FMR1NB: variants seen among roughly 807,000 people sequenced by gnomAD.
FMR1NB encodes FMR1 neighbor.
Under a neutral mutation model 16.8 loss-of-function variants are expected in FMR1NB, and 10 were observed. The ratio of observed to expected loss-of-function variants is 0.60; its 90% confidence interval spans 0.37 to 1.01. The LOEUF is 1.01. Ranked by LOEUF, FMR1NB falls within the 50% of genes least tolerant of loss-of-function variation. The pLI is 0.01. For synonymous variants in FMR1NB, 83 were observed against 79.1 expected, an observed-to-expected ratio of 1.05 and a Z score of -0.26; for missense variants, 205 against 204.8, an observed-to-expected ratio of 1.00 and a Z score of 0.00.
At chrX:148,009,538 C>G (rs2044613499) in intron 4 of FMR1NB, among the ~76,000 whole-genome samples, 1 of 108,077 alleles carries the variant, frequency 9.3e-6, no homozygotes, top group Non-Finnish European at 1.9e-5. Context: ...TATAGCTCCC[C>G]ACCTATGGGG....
rs782560345 is a variant in FMR1NB, at chrX:148,025,494, G to A, written c.*13+481G>A. Among the ~76,000 whole-genome samples, 5 of 111,649 alleles carry A rather than the reference G, an allele frequency of 4.5e-5. No individual in the cohort carries two copies. In the South Asian group the frequency reaches 1.9e-3, roughly 42 times the overall value. On this transcript the variant is annotated intron_variant, in intron 5 of 5. Transcript: ENST00000370467. ...TAGTGTTAGAAGAGGTTGAGAGAGG[G>A]ATCCCAGAATCATACACTAGGGACT... is the stretch of plus-strand genomic sequence containing the variant.
chrX:148,011,272 C>A lies in FMR1NB; in HGVS notation c.632+2561C>A, dbSNP rs201325480. Reference sequence around the variant, plus strand: ...GAGTGAGACTCCATCTCAAAAAAAACAAAAACAAAAACAAAAAAAAAATGT... The same window carrying A: ...GAGTGAGACTCCATCTCAAAAAAAAAAAAAACAAAAACAAAAAAAAAATGT... On this transcript the variant is annotated intron_variant, in intron 4 of 5. Transcript: ENST00000370467. Among the ~76,000 whole-genome samples the A allele has an allele frequency of 3.7e-4, 36 of 97,857 alleles. No individual in the cohort carries two copies. The East Asian group carries it at 9.6e-3, about 26-fold the overall frequency. 85.0% of individuals were successfully genotyped at this position (97,857 alleles called of 115,157 possible). A position where few individuals can be genotyped will look rare whatever the true frequency, so the allele number is the denominator to read the frequency against.
chrX:147,998,652 G>A (rs368552086), intron 1 of FMR1NB, among the ~76,000 whole-genome samples: 1 of 112,639 alleles, frequency 8.9e-6, no homozygotes, highest in South Asian at 3.7e-4. Flanking sequence ...GATGTCAGCC[G>A]TGTTTGGTGT....
chrX:148,008,210 A>G (rs1603082084), intron 3 of FMR1NB: 2 of 127,898 alleles, frequency 1.6e-5, no homozygotes, highest in Non-Finnish European at 3.2e-5. Flanking sequence ...TGGTGTGACC[A>G]TAGATTAAGA....
chrX:147,992,865 T>C (rs1379474184), intron 1 of FMR1NB, among the ~76,000 whole-genome samples: 1 of 84,917 alleles, frequency 1.2e-5, no homozygotes, highest in Non-Finnish European at 2.2e-5. Flanking sequence ...TGATGGCGGC[T>C]GGGAAGAGGC....
chrX:148,021,043 C>G (rs1383544073), intron 4 of FMR1NB, among the ~76,000 whole-genome samples: 1 of 112,084 alleles, frequency 8.9e-6, no homozygotes, highest in African/African-American at 3.2e-5. Flanking sequence ...CCCACAGTGG[C>G]AAGGCTTGCC....
At chrX:148,014,651 A>AT (rs201777714) in intron 4 of FMR1NB, among the ~76,000 whole-genome samples, 55 of 107,492 alleles carry the variant, frequency 5.1e-4, no homozygotes, top group Middle Eastern at 4.8e-3. Flanking sequence ...AAACTTGGGA[A>AT]TTTTTTTTTT....
intron 1 of FMR1NB, among the ~76,000 whole-genome samples, chrX:148,002,883 A>G (rs968267821): frequency 8.9e-6 from 1 of 112,437 alleles, no homozygotes; most frequent in African/African-American, 3.2e-5. Flanking sequence ...GTTGGAATAC[A>G]TACTGTTTTC....
chrX:148,001,746 T>A (rs1203939709), intron 1 of FMR1NB, among the ~76,000 whole-genome samples: 1 of 108,506 alleles, frequency 9.2e-6, no homozygotes, highest in Non-Finnish European at 1.9e-5. Flanking sequence ...CGATACTCTG[T>A]CTCAAAAAAA....
intron 4 of FMR1NB, among the ~76,000 whole-genome samples, chrX:148,014,885 T>C (rs782080276): frequency 8.9e-6 from 1 of 111,859 alleles, no homozygotes; most frequent in Admixed American, 9.5e-5. Flanking sequence ...GCTCAAGGAA[T>C]CCACCTGCCT....
chrX:148,006,932 T>A, intron 3 of FMR1NB, 90 bp downstream of exon 3: 1 of 980,939 alleles, frequency 1.0e-6, no homozygotes, highest in Non-Finnish European at 1.4e-6. Context: ...TTTCCTAGCT[T>A]AATACTTAAA....
chrX:148,015,504 G>C (rs1557190070), intron 4 of FMR1NB, among the ~76,000 whole-genome samples: 1 of 111,029 alleles, frequency 9.0e-6, no homozygotes, highest in African/African-American at 3.3e-5. Flanking sequence ...CCCAGGTTTT[G>C]GTATATCATG....
chrX:147,987,763 G>A (rs1213573298), intron 1 of FMR1NB, among the ~76,000 whole-genome samples: 2 of 111,086 alleles, frequency 1.8e-5, no homozygotes, highest in Admixed American at 9.5e-5. Flanking sequence ...TCTTCTTTTT[G>A]CATTGATTCC....
intron 1 of FMR1NB, among the ~76,000 whole-genome samples, chrX:147,994,030 T>C (rs2044528952): frequency 9.0e-6 from 1 of 111,454 alleles, no homozygotes; most frequent in South Asian, 3.8e-4. Flanking sequence ...TTACCCATAA[T>C]GGCGTGCCTT....
intron 1 of FMR1NB, among the ~76,000 whole-genome samples, chrX:147,986,030 ATC>A (rs2044474525): frequency 8.9e-6 from 1 of 112,445 alleles, no homozygotes; most frequent in Non-Finnish European, 1.9e-5. Flanking sequence ...TTGAGATGGT[ATC>A]TCATTGTGGT....
intron 1 of FMR1NB, among the ~76,000 whole-genome samples, chrX:147,998,501 G>T (rs2044554215): frequency 9.0e-6 from 1 of 111,710 alleles, no homozygotes; most frequent in Admixed American, 9.4e-5. Context: ...AATACCTAAT[G>T]TAGATGACGG....
At chrX:147,998,978 G>A (rs1306170542) in intron 1 of FMR1NB, among the ~76,000 whole-genome samples, 3 of 111,924 alleles carry the variant, frequency 2.7e-5, no homozygotes, top group Non-Finnish European at 3.8e-5. Flanking sequence ...TGTAATGACC[G>A]AAAGATCTAT....
At chrX:148,025,503 A>G (rs2044699564) in intron 5 of FMR1NB, among the ~76,000 whole-genome samples, 2 of 111,673 alleles carry the variant, frequency 1.8e-5, no homozygotes, top group Admixed American at 1.9e-4. Flanking sequence ...GGATCCCAGA[A>G]TCATACACTA....
chrX:148,004,105 A>G (rs2044584019), intron 2 of FMR1NB, among the ~76,000 whole-genome samples: 1 of 112,281 alleles, frequency 8.9e-6, no homozygotes, highest in South Asian at 3.6e-4. Flanking sequence ...CATTAAGTTT[A>G]AAACAGGCAT....
Sources: allele counts gnomAD v4.1 joint callset (sites outside exome capture counted in the v4.1 genomes callset), GRCh38; gene constraint gnomAD v4.1.1; transcripts MANE v1.5; gene names NCBI Gene and HGNC (gene_info 2026-07-23, HGNC 2026-07-21).